Variants in MTARC1 observed in about 807,000 individuals in gnomAD.
MTARC1 encodes mitochondrial amidoxime-reducing component 1.
MTARC1 carries 24 observed loss-of-function variants against 33.6 expected under a neutral mutation model. The ratio of observed to expected loss-of-function variants is 0.72; its 90% CI spans 0.52 to 1.01. The LOEUF (loss-of-function observed/expected upper bound fraction) is 1.01. MTARC1 is among the 50% of genes least tolerant of loss of function. The pLI, the probability that MTARC1 is intolerant of heterozygous loss-of-function variation, is 0.00. For synonymous variants in MTARC1, 187 were observed against 189.5 expected (o/e 0.99, Z 0.11); for missense variants, 417 against 445.7 (o/e 0.94, Z 0.58).
At chr1:220,801,231 T>A (rs776255223) in intron 4 of MTARC1, among the ~76,000 whole-genome samples, 4 of 152,102 alleles carry the variant, frequency 2.6e-5, no homozygotes, top group African/African-American at 9.7e-5. Flanking sequence ...CTGGCCTTTT[T>A]TCTGGGCCCC....
chr1:220,800,004 T>G (rs1465142929), intron 4 of MTARC1, among the ~76,000 whole-genome samples: 2 of 152,136 alleles, frequency 1.3e-5, no homozygotes, highest in Non-Finnish European at 2.9e-5. Flanking sequence ...GGTACCAGCT[T>G]TTTCCCTATG....
At chr1:220,788,002 C>T (rs1672295777) in intron 1 of MTARC1, among the ~76,000 whole-genome samples, 2 of 149,424 alleles carry the variant, frequency 1.3e-5, no homozygotes, top group South Asian at 4.4e-4. Context: ...AGCGAGACTC[C>T]GAATCAAAAA....
chr1:220,787,372 A>G (rs894898348), intron 1 of MTARC1, among the ~76,000 whole-genome samples, 153 bp downstream of exon 1: 3 of 152,094 alleles, frequency 2.0e-5, no homozygotes, highest in African/African-American at 7.2e-5. Flanking sequence ...GGCCAAAGAG[A>G]AAAAGGAACC....
rs1048432818 is a variant in MTARC1, at chr1:220,813,541, A to G, written c.*123A>G. 4 of 1,381,260 alleles carry G rather than the reference A, an allele frequency of 2.9e-6. No individual in the cohort carries two copies. The highest frequency in any genetic ancestry group is 1.4e-5 in the South Asian group (1 of 69,486). The allele number at this position is 1,381,260 out of a possible 1,614,324, so 85.6% of individuals were successfully genotyped here. On this transcript the variant is annotated 3_prime_UTR_variant, in exon 7 of 7. Coordinates refer to ENST00000366910, the MANE Select transcript of MTARC1 (RefSeq NM_022746.4). ...TTTTCTTTAAATTTGTGATTTTCAC[A>G]TTTTTCGTCTTTTGGACTTCTGGTG... is the stretch of plus-strand genomic sequence containing the variant.
chr1:220,811,643 A>C (rs1299039359), intron 6 of MTARC1, among the ~76,000 whole-genome samples: 2 of 152,228 alleles, frequency 1.3e-5, no homozygotes, highest in African/African-American at 4.8e-5. Context: ...TTTAAATATA[A>C]AAATGATGTA....
chr1:220,803,257 T>C (rs1327978190), intron 4 of MTARC1, among the ~76,000 whole-genome samples: 2 of 152,064 alleles, frequency 1.3e-5, no homozygotes, highest in Non-Finnish European at 2.9e-5. Context: ...TCAGATCTCA[T>C]GAGATTTATT....
chr1:220,798,082 C>T, intron 4 of MTARC1, 68 bp downstream of exon 4: 1 of 1,613,054 alleles, frequency 6.2e-7, no homozygotes, highest in Non-Finnish European at 8.5e-7. Context: ...GAGTCTTTGA[C>T]ATTGGATTAG....
intron 6 of MTARC1, among the ~76,000 whole-genome samples, chr1:220,806,326 C>G (rs532958552): frequency 6.6e-6 from 1 of 152,150 alleles, no homozygotes; most frequent in African/African-American, 2.4e-5. Flanking sequence ...CCTTCCTTGG[C>G]TTTGTGTAAG....
At chr1:220,808,977 TC>T in intron 6 of MTARC1, 2 of 432,380 alleles carry the variant, frequency 4.6e-6, no homozygotes, top group Non-Finnish European at 9.3e-6. Flanking sequence ...GCATGGGTAC[TC>T]AAAAAAAAAA....
rs1168901337 is a variant in MTARC1 at position 220,817,193 on chromosome 1, G to A, written c.*3775G>A. ...AGCTCACTGCAGCCTCTGCCTCCCAGGTTCAAGCAATTCTTCTGCCTCAGC... is the reference window on the plus strand; with the variant it reads ...AGCTCACTGCAGCCTCTGCCTCCCAAGTTCAAGCAATTCTTCTGCCTCAGC... On this transcript the variant is annotated 3_prime_UTR_variant, in exon 7 of 7. Coordinates refer to ENST00000366910, the MANE Select transcript of MTARC1 (RefSeq NM_022746.4). 1 of 153,888 alleles carries A rather than the reference G, an allele frequency of 6.5e-6. No individual in the cohort carries two copies. The highest frequency in any genetic ancestry group is 1.4e-5 in the Non-Finnish European group (1 of 69,694). 9.5% of individuals were successfully genotyped at this position (153,888 alleles called of 1,614,324 possible).
Position 220,787,110 on chromosome 1 carries a change from G to A in MTARC1, c.166G>A (p.Gly56Ser), listed in dbSNP as rs750006411. 2 of 1,537,806 alleles carry A rather than the reference G, an allele frequency of 1.3e-6. No individual in the cohort carries two copies. The highest frequency in any genetic ancestry group is 1.2e-5 in the South Asian group (1 of 83,650). The change falls in exon 1 of 7, where the codon GGC becomes AGC. Residue 56 changes from glycine (G) to serine (S), a missense_variant. Coordinates refer to ENST00000366910, the MANE Select transcript of MTARC1 (RefSeq NM_022746.4). The part of the protein sequence containing the change: ...TRRRRLLQQV[G>S]TVAQLWIYPV... Reference sequence around the variant, plus strand: ...GCGCCGGCGGCTGCTGCAGCAGGTGGGCACAGTGGCGCAGCTCTGGATCTA... The same window carrying A: ...GCGCCGGCGGCTGCTGCAGCAGGTGAGCACAGTGGCGCAGCTCTGGATCTA...
At chr1:220,790,834 T>C (rs1271544834) in intron 1 of MTARC1, 1 of 152,258 alleles carries the variant, frequency 6.6e-6, no homozygotes, top group African/African-American at 2.4e-5. Context: ...TTCTATTACC[T>C]TTATTTCTCC....
At chr1:220,806,375 G>C (rs1049480861) in intron 6 of MTARC1, among the ~76,000 whole-genome samples, 1 of 152,168 alleles carries the variant, frequency 6.6e-6, no homozygotes, top group Non-Finnish European at 1.5e-5. Context: ...GCCTCCCCAG[G>C]TGTATCTTGT....
rs1672564312 is a variant in MTARC1, at chr1:220,795,063, A to T, written c.450-1580A>T. On this transcript the variant is annotated intron_variant, in intron 2 of 6. Coordinates refer to ENST00000366910, the MANE Select transcript of MTARC1 (RefSeq NM_022746.4). ...TACTATACTCAATATATTTTACAAT[A>T]TAAAAATCCATTTATACATTATTAT... Among the ~76,000 whole-genome samples, 4 of 152,214 alleles carry T rather than the reference A, an allele frequency of 2.6e-5. No individual in the cohort carries two copies. In the South Asian group the frequency reaches 8.3e-4, roughly 32 times the overall value.
rs558606007 is a variant in MTARC1 at position 220,796,144 on chromosome 1, AT to A, written c.450-497del. ...AATAAATATAATATTATTGTTAATGATTGTTATATATATAGTTATTATCTGT... is the reference window on the plus strand; with the variant it reads ...AATAAATATAATATTATTGTTAATGATGTTATATATATAGTTATTATCTGT... On this transcript the variant is annotated intron_variant, in intron 2 of 6. Transcript: ENST00000366910. Among the ~76,000 whole-genome samples the A allele has an allele frequency of 1.5e-3, 235 of 152,044 alleles. 3 individuals are homozygous for A. In the South Asian group the frequency reaches 0.024, roughly 16 times the overall value.
chr1:220,808,119 T>C (rs1673024931), intron 6 of MTARC1, among the ~76,000 whole-genome samples: 1 of 152,184 alleles, frequency 6.6e-6, no homozygotes. Flanking sequence ...GTGTGGGGCA[T>C]CCTTCCCTCT....
At position 220,786,975 on chromosome 1, in the gene MTARC1, C is replaced by G; in HGVS notation, c.31C>G (p.Arg11Gly). 1 of 1,258,902 alleles carries G rather than the reference C, an allele frequency of 7.9e-7. No homozygotes were observed. Among genetic ancestry groups the G allele is most frequent in the South Asian group, 3.4e-5 (1 of 29,132 alleles). The allele number at this position is 1,258,902 out of a possible 1,614,324, so 78.0% of individuals were successfully genotyped here. The change falls in exon 1 of 7, where the codon CGC becomes GGC. Residue 11 changes from arginine (R) to glycine (G), a missense_variant. Transcript: ENST00000366910. MGAAGSSALARFVLLAQSRPG... is the reference protein window; with the variant it reads MGAAGSSALAGFVLLAQSRPG... ...CGCCGCCGGCTCCTCCGCGCTGGCG[C>G]GCTTTGTCCTCCTCGCGCAATCCCG...
intron 4 of MTARC1, 47 bp from the exon 5 acceptor site, chr1:220,805,005 G>A (rs768276869): frequency 2.5e-6 from 4 of 1,602,688 alleles, no homozygotes; most frequent in Non-Finnish European, 3.4e-6. Flanking sequence ...CACGTGTCAG[G>A]GGCAGGGCCC....
chr1:220,788,967 A>G (rs755758923), intron 1 of MTARC1, among the ~76,000 whole-genome samples: 5 of 152,180 alleles, frequency 3.3e-5, no homozygotes, highest in Admixed American at 2.6e-4. Context: ...ACCAGACACT[A>G]TGATAAATTC....
Sources: gnomAD v4.1 joint callset for allele counts (sites outside exome capture counted in the v4.1 genomes callset) on GRCh38, gnomAD v4.1.1 for gene constraint, MANE v1.5 for transcripts, NCBI Gene and HGNC (gene_info 2026-07-23, HGNC 2026-07-21) for gene names.